CA5A: variants seen among roughly 807,000 people sequenced by gnomAD.
CA5A encodes the protein carbonic anhydrase 5A, mitochondrial.
CA5A carries 28 observed loss-of-function variants against 37.1 expected under a neutral mutation model. That is an observed-to-expected ratio of 0.75 (90% confidence interval 0.56 to 1.03). The LOEUF is 1.03. Ranked by LOEUF, CA5A falls within the 50% of genes least tolerant of loss-of-function variation. The pLI, the probability that CA5A is intolerant of heterozygous loss-of-function variation, is 0.00. For missense variants in CA5A, 444 were observed against 399.9 expected, an observed-to-expected ratio of 1.11 and a Z score of -0.94; for synonymous variants, 171 against 158.4, an observed-to-expected ratio of 1.08 and a Z score of -0.60.
chr16:87,907,547 A>G (rs2055983225), intron 2 of CA5A, among the ~76,000 whole-genome samples: 1 of 152,224 alleles, frequency 6.6e-6, no homozygotes, highest in African/African-American at 2.4e-5. Context: ...TGGATGCTTC[A>G]TGGACAAATT....
intron 2 of CA5A, chr16:87,923,521 C>A (rs1001136503): frequency 6.1e-6 from 6 of 984,190 alleles, no homozygotes; most frequent in Non-Finnish European, 7.2e-6. Flanking sequence ...TGTCCACATA[C>A]CTTCCTCCTT....
At chr16:87,928,336 TC>T (rs1897693290) in intron 1 of CA5A, among the ~76,000 whole-genome samples, 1 of 152,116 alleles carries the variant, frequency 6.6e-6, no homozygotes, top group Non-Finnish European at 1.5e-5. Context: ...GCTAACTTTT[TC>T]ATTTTTTGTA....
intron 5 of CA5A, chr16:87,893,146 C>CTTTT (rs1555519772): frequency 2.5e-4 from 98 of 387,068 alleles, no homozygotes; most frequent in Middle Eastern, 7.8e-4. Flanking sequence ...TTCTTTCTTT[C>CTTTT]TTTTTTTTTT....
At chr16:87,918,571 G>T (rs2056187670) in intron 2 of CA5A, among the ~76,000 whole-genome samples, 2 of 152,186 alleles carry the variant, frequency 1.3e-5, no homozygotes, top group Admixed American at 1.3e-4. Context: ...AATTTCCTTG[G>T]CCTGTCCGTT....
chr16:87,929,932 A>G (rs2056379447), intron 1 of CA5A, among the ~76,000 whole-genome samples: 1 of 152,096 alleles, frequency 6.6e-6, no homozygotes, highest in Non-Finnish European at 1.5e-5. Context: ...AATGTACAAT[A>G]CATTTTTAAG....
intron 2 of CA5A, among the ~76,000 whole-genome samples, chr16:87,907,237 G>A (rs2055975979): frequency 6.6e-6 from 1 of 151,984 alleles, no homozygotes; most frequent in South Asian, 2.1e-4. Flanking sequence ...ACACAGGCGT[G>A]AGCCACCGTG....
rs1422743805 is a variant in CA5A, at chr16:87,888,220, A to G, written c.827T>C (p.Met276Thr). 1.2e-6 allele frequency: 2 copies of G among 1,613,786 alleles called. No individual in the cohort carries two copies. Among genetic ancestry groups the G allele is most frequent in the African/African-American group, 2.7e-5 (2 of 74,890 alleles). ...AAGTGGGCGATAGTTGTTCACCATC[A>G]TCTTCTCCTCTTCACCAAGTGCAGA... ...LFSALGEEEK[M>T]MVNNYRPLQP... The change falls in exon 7 of 7, where the codon ATG (methionine) becomes ACG (threonine). Residue 276 changes from methionine to threonine, a missense_variant. Physicochemically the swap from Met to Thr is moderately conservative, Grantham distance 81 (BLOSUM62 -1). Coordinates refer to ENST00000649794, the MANE Select transcript of CA5A (RefSeq NM_001739.2).
intron 5 of CA5A, chr16:87,893,417 A>T (rs142225970): frequency 8.1e-6 from 4 of 494,292 alleles, no homozygotes; most frequent in Non-Finnish European, 1.6e-5. Context: ...GTGAGCCACC[A>T]CGCCCGGCTT....
chr16:87,908,612 G>A (rs2055999974), intron 2 of CA5A, among the ~76,000 whole-genome samples: 1 of 152,134 alleles, frequency 6.6e-6, no homozygotes, highest in South Asian at 2.1e-4. Flanking sequence ...CCAGACTGTG[G>A]CCAACCAACA....
At chr16:87,919,058 G>A (rs918388904) in intron 2 of CA5A, among the ~76,000 whole-genome samples, 5 of 152,202 alleles carry the variant, frequency 3.3e-5, no homozygotes, top group African/African-American at 1.2e-4. Context: ...GAGACACACC[G>A]GATCCTTCTT....
chr16:87,908,486 G>A (rs1477205157), intron 2 of CA5A, among the ~76,000 whole-genome samples: 1 of 152,178 alleles, frequency 6.6e-6, no homozygotes, highest in Non-Finnish European at 1.5e-5. Context: ...AGGGTTCTAC[G>A]TAGGCACATA....
At chr16:87,905,574 G>T (rs2055948932) in intron 2 of CA5A, among the ~76,000 whole-genome samples, 1 of 152,142 alleles carries the variant, frequency 6.6e-6, no homozygotes, top group Non-Finnish European at 1.5e-5. Flanking sequence ...AGCCAGGCTG[G>T]TCTCAAACTC....
At chr16:87,915,077 C>T (rs1362573549) in intron 2 of CA5A, among the ~76,000 whole-genome samples, 1 of 152,236 alleles carries the variant, frequency 6.6e-6, no homozygotes, top group African/African-American at 2.4e-5. Context: ...ATCCACACAA[C>T]TGCCCCAGGA....
At chr16:87,910,177 C>T (rs1351469442) in intron 2 of CA5A, among the ~76,000 whole-genome samples, 1 of 152,204 alleles carries the variant, frequency 6.6e-6, no homozygotes, top group Non-Finnish European at 1.5e-5. Context: ...CTCTCACTGG[C>T]CAGGTTCTGC....
At position 87,911,250 on chromosome 16, in the gene CA5A, G is replaced by C. The variant is rs532160499; in HGVS notation, c.341-6346C>G. On this transcript the variant is annotated intron_variant, in intron 2 of 6. Coordinates refer to ENST00000649794, the MANE Select transcript of CA5A (RefSeq NM_001739.2). The surrounding 1 kb of genome is among the most constrained non-coding windows in gnomAD (Gnocchi z 4.6). ...CTCAGCGTTCTGTGTAAGCAGGTGC[G>C]TCAGAACCGGCTCATGGAGATATAA... 6.6e-6 allele frequency among the ~76,000 whole-genome samples: 1 copy of C among 152,098 alleles called. No homozygotes were observed. The highest frequency in any genetic ancestry group is 1.5e-5 in the Non-Finnish European group (1 of 68,030).
intron 2 of CA5A, among the ~76,000 whole-genome samples, chr16:87,922,003 G>A (rs1043334340): frequency 1.3e-5 from 2 of 152,070 alleles, no homozygotes; most frequent in African/African-American, 4.8e-5. Context: ...GAGTAGCTGG[G>A]ACCACAGGCA....
intron 6 of CA5A, among the ~76,000 whole-genome samples, chr16:87,890,913 G>C (rs1041262052): frequency 1.4e-4 from 21 of 152,000 alleles, no homozygotes; most frequent in African/African-American, 4.6e-4. Context: ...TCTTGCCCCA[G>C]CCTCCCAAGT....
chr16:87,907,037 TA>T (rs1372945650), intron 2 of CA5A, among the ~76,000 whole-genome samples: 10 of 152,136 alleles, frequency 6.6e-5, no homozygotes, highest in Non-Finnish European at 1.2e-4. Context: ...GCCAACATGA[TA>T]AAACCTCATC....
chr16:87,898,352 G>A (rs1296412775), intron 5 of CA5A, among the ~76,000 whole-genome samples: 1 of 152,206 alleles, frequency 6.6e-6, no homozygotes, highest in Non-Finnish European at 1.5e-5. Flanking sequence ...AAGGCCATCT[G>A]CCCTTGAGCC....
Sources: gnomAD v4.1 joint callset for allele counts (sites outside exome capture counted in the v4.1 genomes callset) on GRCh38, gnomAD v4.1.1 for gene constraint, Gnocchi (gnomAD v3.1) non-coding constraint, MANE v1.5 for transcripts, NCBI Gene and HGNC (gene_info 2026-07-23, HGNC 2026-07-21) for gene names.